Variants in SLC39A11 observed in about 807,000 individuals in gnomAD.
SLC39A11 encodes the protein zinc transporter ZIP11.
In SLC39A11, 33 loss-of-function variants were observed where a neutral mutation model predicts 36.1. The observed-to-expected ratio is 0.91, with a 90% CI of 0.69 to 1.22. The LOEUF (loss-of-function observed/expected upper bound fraction) is 1.22, where lower values mean the gene tolerates loss of function less well. SLC39A11 is among the 50% of genes most tolerant of loss of function. The pLI is 0.00. For missense variants in SLC39A11, 432 were observed against 430.3 expected (o/e 1.00, Z -0.03); for synonymous variants, 166 against 170.3 (o/e 0.97, Z 0.20).
chr17:72,729,087 T>C (rs1362029493), intron 7 of SLC39A11, among the ~76,000 whole-genome samples: 1 of 152,060 alleles, frequency 6.6e-6, no homozygotes, highest in Non-Finnish European at 1.5e-5. Context: ...TCTCCCCACC[T>C]GCTCTCCCAG....
At chr17:73,067,986 TAAAC>T in intron 3 of SLC39A11, 1 of 1,594,210 alleles carries the variant, frequency 6.3e-7, no homozygotes. Flanking sequence ...TTCACATAAA[TAAAC>T]AACTGTTCTG....
At chr17:72,875,851 T>C (rs986494149) in intron 5 of SLC39A11, among the ~76,000 whole-genome samples, 3 of 151,988 alleles carry the variant, frequency 2.0e-5, no homozygotes, top group Non-Finnish European at 4.4e-5. Flanking sequence ...AGGGGCAGGG[T>C]GGAAGCAGCT....
chr17:72,962,920 C>T (rs981513113), intron 4 of SLC39A11, among the ~76,000 whole-genome samples: 2 of 152,150 alleles, frequency 1.3e-5, no homozygotes, highest in African/African-American at 2.4e-5. Context: ...AGCCACACAG[C>T]TGTTAGCTTC....
At chr17:72,899,992 GAGAGAGAGAGAAAGAGAGAGAGAGAGAA>G (rs1223308640) in intron 5 of SLC39A11, among the ~76,000 whole-genome samples, 3 of 25,318 alleles carry the variant, frequency 1.2e-4, no homozygotes, top group African/African-American at 1.3e-3. Flanking sequence ...GAAAGAAAGA[GAGAGAGAGAGAAAGAGAGAGAGAGAGAA>G]AGAGAGAGAG....
At chr17:72,825,702 G>A (rs1598887779) in intron 6 of SLC39A11, among the ~76,000 whole-genome samples, 1 of 152,358 alleles carries the variant, frequency 6.6e-6, no homozygotes, top group Non-Finnish European at 1.5e-5. Context: ...TCCACCCCTT[G>A]CATCAGTGTG....
intron 7 of SLC39A11, among the ~76,000 whole-genome samples, chr17:72,690,528 T>A (rs1308891223): frequency 6.6e-6 from 1 of 152,226 alleles, no homozygotes; most frequent in African/African-American, 2.4e-5. Flanking sequence ...GGCAGCATTA[T>A]TCACATCACC....
intron 6 of SLC39A11, among the ~76,000 whole-genome samples, chr17:72,830,193 C>A (rs1026333525): frequency 6.6e-6 from 1 of 152,182 alleles, no homozygotes; most frequent in African/African-American, 2.4e-5. Context: ...AATTTAAACT[C>A]CCCACTGGGA....
chr17:72,852,787 G>C (rs1234889338), intron 5 of SLC39A11, among the ~76,000 whole-genome samples: 2 of 152,072 alleles, frequency 1.3e-5, no homozygotes, highest in South Asian at 4.1e-4. Flanking sequence ...TAAACATCTG[G>C]GATTTCAAGC....
intron 4 of SLC39A11, among the ~76,000 whole-genome samples, chr17:72,958,314 G>A (rs2086378846): frequency 6.6e-6 from 1 of 152,170 alleles, no homozygotes. Flanking sequence ...AGGATTTCAA[G>A]ACCAAGAACC....
intron 5 of SLC39A11, among the ~76,000 whole-genome samples, chr17:72,923,186 C>A (rs2083801877): frequency 6.6e-6 from 1 of 151,992 alleles, no homozygotes; most frequent in African/African-American, 2.4e-5. Flanking sequence ...CTTATACATC[C>A]CTGCACAATG....
intron 5 of SLC39A11, among the ~76,000 whole-genome samples, chr17:72,930,869 C>T (rs1333065698): frequency 1.3e-5 from 2 of 152,158 alleles, no homozygotes; most frequent in Non-Finnish European, 2.9e-5. Context: ...ACCCAGATCT[C>T]GTTTTCCAAA....
chr17:73,013,913 G>A (rs1026210872), intron 4 of SLC39A11, among the ~76,000 whole-genome samples: 63 of 152,270 alleles, frequency 4.1e-4, no homozygotes, highest in African/African-American at 1.4e-3. Context: ...AATCTGAGAC[G>A]CAGAGGCCCA....
At position 73,007,607 on chromosome 17, in the gene SLC39A11, C is replaced by A. The variant is rs551744276; in HGVS notation, c.306+23949G>T. ...AAAAAGACAAACAGTGTGACGTGTG[C>A]TGAGAACCAGCTGCAGGAGCTGGTG... is the stretch of plus-strand genomic sequence containing the variant. On this transcript the variant is annotated intron_variant, in intron 4 of 9. Coordinates refer to ENST00000255559, the MANE Select transcript of SLC39A11 (RefSeq NM_139177.4). Among the ~76,000 whole-genome samples the A allele has an allele frequency of 1.8e-4, 27 of 152,172 alleles. 1 individual carries two copies. The highest frequency in any genetic ancestry group is 1.6e-3 in the Admixed American group (24 of 15,276).
At chr17:72,817,248 A>C (rs999578257) in intron 6 of SLC39A11, among the ~76,000 whole-genome samples, 1 of 149,670 alleles carries the variant, frequency 6.7e-6, no homozygotes, top group Non-Finnish European at 1.5e-5. Flanking sequence ...GCAAAGGGGA[A>C]CTGGCATGTG....
intron 6 of SLC39A11, among the ~76,000 whole-genome samples, chr17:72,762,013 G>T (rs1232332307): frequency 6.6e-6 from 1 of 152,208 alleles, no homozygotes; most frequent in Non-Finnish European, 1.5e-5. Context: ...TAGAGTACAC[G>T]AGAGATAATG....
intron 4 of SLC39A11, among the ~76,000 whole-genome samples, chr17:73,011,666 G>GT (rs55954659): frequency 0.69 from 98,655 of 143,462 alleles, 36,802 homozygotes; most frequent in Middle Eastern, 0.88. Context: ...GGTTTTCTTG[G>GT]TTTTTTTTTT....
At chr17:72,941,351 C>G (rs184435980) in intron 5 of SLC39A11, among the ~76,000 whole-genome samples, 2 of 152,116 alleles carry the variant, frequency 1.3e-5, no homozygotes, top group African/African-American at 2.4e-5. Flanking sequence ...CAGAAGAAAC[C>G]GACCAATCTT....
intron 4 of SLC39A11, among the ~76,000 whole-genome samples, chr17:73,014,313 G>A (rs74684972): frequency 0.016 from 2,464 of 152,192 alleles, 34 homozygotes; most frequent in East Asian, 0.036. Context: ...CTATCCCGGT[G>A]CAATTAACCC....
intron 4 of SLC39A11, among the ~76,000 whole-genome samples, chr17:72,960,721 G>A (rs2086556139): frequency 6.6e-6 from 1 of 152,056 alleles, no homozygotes; most frequent in Admixed American, 6.5e-5. Context: ...GGAGGCAGGA[G>A]GATCGCTTGG....
Sources: allele counts gnomAD v4.1 joint callset (sites outside exome capture counted in the v4.1 genomes callset), GRCh38; gene constraint gnomAD v4.1.1; transcripts MANE v1.5; gene names NCBI Gene and HGNC (gene_info 2026-07-23, HGNC 2026-07-21).